The following PCED1B variants were observed in gnomAD, a reference collection of about 807,000 sequenced individuals.
PCED1B encodes the protein PC-esterase domain-containing protein 1B.
For missense variants in PCED1B, 573 were observed against 573.9 expected (o/e 1.00, Z 0.02); for synonymous variants, 251 against 246.1 (o/e 1.02, Z -0.19).
chr12:47,118,943 C>T (rs923674920), intron 2 of PCED1B, among the ~76,000 whole-genome samples: 1 of 152,074 alleles, frequency 6.6e-6, no homozygotes, highest in Admixed American at 6.6e-5. Context: ...ATTTTATTCT[C>T]TTTGAAGCAA....
chr12:47,100,991 A>C (rs1170136971), intron 1 of PCED1B, among the ~76,000 whole-genome samples: 1 of 151,920 alleles, frequency 6.6e-6, no homozygotes, highest in Non-Finnish European at 1.5e-5. Context: ...AATCACTTGA[A>C]CCCGGGAGGT....
At chr12:47,129,379 C>A (rs1237595068) in intron 2 of PCED1B, among the ~76,000 whole-genome samples, 1 of 152,026 alleles carries the variant, frequency 6.6e-6, no homozygotes, top group Non-Finnish European at 1.5e-5. Flanking sequence ...GTTCCAGCTA[C>A]TTAAGAGGCT....
intron 2 of PCED1B, among the ~76,000 whole-genome samples, chr12:47,189,220 T>C (rs1218842130): frequency 1.3e-5 from 2 of 152,196 alleles, no homozygotes; most frequent in African/African-American, 4.8e-5. Context: ...TGCATTGTGT[T>C]TTTAGATTGT....
At position 47,229,830 on chromosome 12, in the gene PCED1B, C is replaced by T. The variant is rs559593250; in HGVS notation, c.-57-5177C>T. 7.9e-5 allele frequency among the ~76,000 whole-genome samples: 12 copies of T among 151,568 alleles called. No individual in the cohort carries two copies. The South Asian group carries it at 2.1e-3, about 26-fold the overall frequency. On this transcript the variant is annotated intron_variant, in intron 3 of 3. Coordinates refer to ENST00000546455, the MANE Select transcript of PCED1B (RefSeq NM_138371.3). ...TGTCACCCAGGCTGGAGTGCAGTGG[C>T]GCGATCTTGGCTCATTGCAAGCTCT...
chr12:47,142,385 A>C (rs1260928922), intron 2 of PCED1B, among the ~76,000 whole-genome samples: 1 of 152,240 alleles, frequency 6.6e-6, no homozygotes, highest in Non-Finnish European at 1.5e-5. Flanking sequence ...CTTCAAATGC[A>C]CAGACACCAA....
intron 2 of PCED1B, among the ~76,000 whole-genome samples, chr12:47,203,416 A>G (rs1942826292): frequency 6.6e-6 from 1 of 152,112 alleles, no homozygotes; most frequent in South Asian, 2.1e-4. Context: ...CCCAGGTATT[A>G]AGCCCAGCAT....
chr12:47,206,203 G>A (rs183155712), intron 2 of PCED1B: 2 of 152,210 alleles, frequency 1.3e-5, no homozygotes, highest in East Asian at 3.9e-4. Context: ...CAGAATCTTG[G>A]AGACTCCAGC....
At chr12:47,206,074 G>A (rs1348235353) in intron 2 of PCED1B, 1 of 152,206 alleles carries the variant, frequency 6.6e-6, no homozygotes, top group Non-Finnish European at 1.5e-5. Flanking sequence ...CAGTTCCTGG[G>A]TGGAGGGCAC....
At chr12:47,084,853 AG>A (rs1176734177) in intron 1 of PCED1B, among the ~76,000 whole-genome samples, 22 of 152,314 alleles carry the variant, frequency 1.4e-4, no homozygotes, top group African/African-American at 5.1e-4. Flanking sequence ...GAAAACATTT[AG>A]GCTGGGATCG....
chr12:47,151,716 A>G (rs554809699), intron 2 of PCED1B, among the ~76,000 whole-genome samples: 4 of 152,346 alleles, frequency 2.6e-5, no homozygotes, highest in African/African-American at 9.6e-5. Context: ...GAGAGGACCA[A>G]GGTCCCAGCT....
At chr12:47,162,163 A>T (rs1941405661) in intron 2 of PCED1B, among the ~76,000 whole-genome samples, 1 of 152,096 alleles carries the variant, frequency 6.6e-6, no homozygotes, top group Admixed American at 6.6e-5. Context: ...CCTAATGTAA[A>T]TGATGAATTA....
At chr12:47,202,976 T>C (rs893157607) in intron 2 of PCED1B, among the ~76,000 whole-genome samples, 52 of 151,514 alleles carry the variant, frequency 3.4e-4, no homozygotes, top group African/African-American at 1.1e-3. Context: ...TTCTTTCTTT[T>C]TTTTTTTTTT....
At chr12:47,113,372 G>A (rs898248662) in intron 2 of PCED1B, among the ~76,000 whole-genome samples, 1 of 152,134 alleles carries the variant, frequency 6.6e-6, no homozygotes, top group African/African-American at 2.4e-5. Context: ...TTACATACAT[G>A]ATTTAGTTCA....
intron 2 of PCED1B, among the ~76,000 whole-genome samples, chr12:47,214,866 G>A (rs1943201448): frequency 6.6e-6 from 1 of 152,054 alleles, no homozygotes; most frequent in South Asian, 2.1e-4. Context: ...CTCGAAATAT[G>A]CCAAATAACT....
intron 1 of PCED1B, among the ~76,000 whole-genome samples, chr12:47,088,310 T>C (rs1280137634): frequency 6.6e-5 from 10 of 152,188 alleles, no homozygotes; most frequent in Non-Finnish European, 1.5e-5. Flanking sequence ...TTTGTACTAA[T>C]TATGTGGCTC....
intron 3 of PCED1B, 102 bp from the exon 4 acceptor site, chr12:47,234,905 C>A: frequency 1.8e-6 from 1 of 565,860 alleles, no homozygotes; most frequent in Non-Finnish European, 2.9e-6. Flanking sequence ...GGGCAGAGGC[C>A]ACAGCGCCAT....
intron 2 of PCED1B, among the ~76,000 whole-genome samples, chr12:47,198,228 G>C (rs539902368): frequency 1.3e-5 from 2 of 152,124 alleles, no homozygotes; most frequent in African/African-American, 4.8e-5. Flanking sequence ...AGGTATACAG[G>C]GTGGTTCAAT....
chr12:47,121,796 G>T (rs1431215393), intron 2 of PCED1B, among the ~76,000 whole-genome samples: 1 of 152,010 alleles, frequency 6.6e-6, no homozygotes, highest in African/African-American at 2.4e-5. Flanking sequence ...ACTTTGGAAG[G>T]CAAGGTGGGC....
At chr12:47,181,373 ATTT>A (rs61594383) in intron 2 of PCED1B, among the ~76,000 whole-genome samples, 8 of 145,384 alleles carry the variant, frequency 5.5e-5, no homozygotes, top group East Asian at 4.0e-4. Context: ...TTCTTTCATT[ATTT>A]TTTTTTTTTT....
Sources: allele counts gnomAD v4.1 joint callset (sites outside exome capture counted in the v4.1 genomes callset), GRCh38; gene constraint gnomAD v4.1.1; transcripts MANE v1.5; gene names NCBI Gene and HGNC (gene_info 2026-07-23, HGNC 2026-07-21).